EVI5: variants seen among roughly 807,000 people sequenced by gnomAD.
EVI5 encodes the protein ecotropic viral integration site 5.
EVI5 carries 73 observed loss-of-function variants against 112.0 expected under a neutral mutation model. That is an observed-to-expected ratio of 0.65 (90% CI 0.54 to 0.79). The LOEUF (loss-of-function observed/expected upper bound fraction) is 0.79. EVI5 is among the 30% of genes least tolerant of loss of function. The probability of loss-of-function intolerance (pLI) is 0.00; values close to 1 mark genes in which losing one functional copy is unlikely to be tolerated. For missense variants in EVI5, 900 were observed against 968.8 expected (o/e 0.93, Z 0.94); for synonymous variants, 305 against 319.9 (o/e 0.95, Z 0.50).
chr1:92,518,968 A>C (rs1660416794), intron 19 of EVI5, among the ~76,000 whole-genome samples: 1 of 152,220 alleles, frequency 6.6e-6, no homozygotes. Flanking sequence ...AATCATCTTC[A>C]ATTTTTAAGA....
chr1:92,571,944 C>A (rs1670380522), intron 18 of EVI5, among the ~76,000 whole-genome samples: 1 of 152,120 alleles, frequency 6.6e-6, no homozygotes, highest in Admixed American at 6.5e-5. Context: ...CTTTGGTATT[C>A]CGTACTTTCA....
intron 14 of EVI5, among the ~76,000 whole-genome samples, chr1:92,632,590 A>T (rs1317928208): frequency 2.0e-5 from 3 of 151,846 alleles, no homozygotes; most frequent in Non-Finnish European, 1.5e-5. Flanking sequence ...TAGTCTTGCT[A>T]GCGGTCTATT....
intron 19 of EVI5, among the ~76,000 whole-genome samples, chr1:92,549,239 A>C (rs984758559): frequency 3.3e-5 from 5 of 152,152 alleles, no homozygotes; most frequent in Admixed American, 6.6e-5. Flanking sequence ...CAAAAACAAG[A>C]AATGGGGAAA....
intron 13 of EVI5, among the ~76,000 whole-genome samples, chr1:92,649,083 G>A (rs1251332271): frequency 6.6e-6 from 1 of 152,148 alleles, no homozygotes; most frequent in African/African-American, 2.4e-5. Flanking sequence ...GATGTGAAGA[G>A]GCACCTCATC....
At chr1:92,546,991 A>C (rs2100696115) in intron 19 of EVI5, among the ~76,000 whole-genome samples, 1 of 152,348 alleles carries the variant, frequency 6.6e-6, no homozygotes, top group South Asian at 2.1e-4. Context: ...CTCTGCACCA[A>C]GCGAACCTAA....
At chr1:92,698,037 A>G in intron 5 of EVI5, 52 bp from the exon 6 acceptor site, 1 of 1,530,850 alleles carries the variant, frequency 6.5e-7, no homozygotes, top group Non-Finnish European at 8.9e-7. Flanking sequence ...TGATACACAA[A>G]TAAACCAATG....
intron 2 of EVI5, among the ~76,000 whole-genome samples, chr1:92,728,025 A>AT (rs1675860404): frequency 6.6e-6 from 1 of 151,502 alleles, no homozygotes; most frequent in South Asian, 2.1e-4. Context: ...AAACAAAAAA[A>AT]AATAGAATAC....
At chr1:92,561,599 CTAATCTATCCTATCTAT>C (rs1557789850) in intron 19 of EVI5, among the ~76,000 whole-genome samples, 123 of 145,940 alleles carry the variant, frequency 8.4e-4, no homozygotes, top group Admixed American at 2.6e-3. Context: ...ATCTATCTAT[CTAATCTATCCTATCTAT>C]CTATCTATCT....
At chr1:92,729,691 T>A (rs1465071684) in intron 2 of EVI5, among the ~76,000 whole-genome samples, 1 of 152,258 alleles carries the variant, frequency 6.6e-6, no homozygotes, top group Non-Finnish European at 1.5e-5. Flanking sequence ...TGACTTTTAG[T>A]ACCTAATACA....
At chr1:92,631,241 A>T (rs1295512431) in intron 14 of EVI5, among the ~76,000 whole-genome samples, 4 of 152,052 alleles carry the variant, frequency 2.6e-5, no homozygotes, top group Non-Finnish European at 4.4e-5. Flanking sequence ...CTTGATGGGG[A>T]TGGCATTGAA....
intron 19 of EVI5, among the ~76,000 whole-genome samples, chr1:92,545,935 T>C (rs1387293314): frequency 6.6e-6 from 1 of 151,932 alleles, no homozygotes; most frequent in Non-Finnish European, 1.5e-5. Flanking sequence ...GGCAATCTTC[T>C]ACTCCTTCTC....
chr1:92,562,810 A>G (rs752164928), intron 19 of EVI5, among the ~76,000 whole-genome samples: 2 of 152,220 alleles, frequency 1.3e-5, no homozygotes, highest in Non-Finnish European at 2.9e-5. Flanking sequence ...GGTAACGTCT[A>G]AACTTTTTCC....
intron 18 of EVI5, among the ~76,000 whole-genome samples, chr1:92,600,638 T>C (rs147583317): frequency 6.6e-6 from 1 of 152,306 alleles, no homozygotes; most frequent in East Asian, 1.9e-4. Context: ...AGGCATTAGA[T>C]TCTCTCATAA....
chr1:92,779,744 T>A (rs1168265250), intron 1 of EVI5, among the ~76,000 whole-genome samples: 2 of 151,992 alleles, frequency 1.3e-5, no homozygotes, highest in East Asian at 1.9e-4. Context: ...GATATAAAAA[T>A]TTTTTTAATT....
At chr1:92,616,708 T>G (rs1653268539) in intron 16 of EVI5, among the ~76,000 whole-genome samples, 2 of 152,334 alleles carry the variant, frequency 1.3e-5, no homozygotes, top group Admixed American at 1.3e-4. Flanking sequence ...TTCAGATAAC[T>G]ACTCTCCTTT....
intron 1 of EVI5, chr1:92,756,842 G>C (rs1000715740): frequency 1.6e-5 from 8 of 495,884 alleles, no homozygotes; most frequent in African/African-American, 1.6e-4. Context: ...ACTGGTATTG[G>C]GCTGTCCCTC....
chr1:92,702,552 T>A (rs1671349603), intron 4 of EVI5, among the ~76,000 whole-genome samples: 1 of 152,084 alleles, frequency 6.6e-6, no homozygotes. Context: ...ATGCCTATAA[T>A]CCCAGCACTT....
chr1:92,721,635 C>T, intron 2 of EVI5, among the ~76,000 whole-genome samples: 1 of 152,106 alleles, frequency 6.6e-6, no homozygotes, highest in East Asian at 1.9e-4. Context: ...ATATAACAAA[C>T]CTGTACGTTG....
At chr1:92,788,307 T>C (rs1221427211), upstream of EVI5, among the ~76,000 whole-genome samples, 14 of 150,370 alleles carry the variant, frequency 9.3e-5, no homozygotes, top group Non-Finnish European at 1.6e-4. Context: ...CCATCTCTAC[T>C]GAAATACAAA....
Sources: allele counts gnomAD v4.1 joint callset (sites outside exome capture counted in the v4.1 genomes callset), GRCh38; gene constraint gnomAD v4.1.1; transcripts MANE v1.5; gene names NCBI Gene and HGNC (gene_info 2026-07-23, HGNC 2026-07-21).